UCK2: variants seen among roughly 807,000 people sequenced by gnomAD.
UCK2 encodes the protein cytidine monophosphokinase 2.
UCK2 carries 6 observed loss-of-function variants against 30.8 expected under a neutral mutation model. The ratio of observed to expected loss-of-function variants is 0.19; its 90% CI spans 0.11 to 0.38. UCK2 has a LOEUF of 0.38. Ranked by LOEUF, UCK2 falls within the 10% of genes least tolerant of loss-of-function variation. The probability of loss-of-function intolerance (pLI) is 1.00; values close to 1 mark genes in which losing one functional copy is unlikely to be tolerated. For synonymous variants in UCK2, 125 were observed against 133.6 expected, an observed-to-expected ratio of 0.94 and a Z score of 0.45; for missense variants, 210 against 339.8, an observed-to-expected ratio of 0.62 and a Z score of 3.00.
In UCK2 at chr1:165,836,240, C is replaced by A. The variant is rs376027161; in HGVS notation, c.99+8308C>A. On this transcript the variant is annotated intron_variant, in intron 1 of 6. Transcript: ENST00000367879. ...CAAGACTCCGTCTCAAAACAAAAAA[C>A]AAAACAAAAAAAACAACCAAATGGA... Among the ~76,000 whole-genome samples, 1,363 of 149,714 alleles carry A rather than the reference C, an allele frequency of 9.1e-3. 43 individuals carry two copies. Among genetic ancestry groups the A allele is most frequent in the African/African-American group, 0.032 (1,247 of 39,432 alleles).
At chr1:165,880,574 T>G (rs913659367) in intron 1 of UCK2, among the ~76,000 whole-genome samples, 3 of 22,942 alleles carry the variant, frequency 1.3e-4, no homozygotes, top group African/African-American at 3.9e-4. Flanking sequence ...GGGGTGTGTG[T>G]GTGTGTGTGT....
intron 1 of UCK2, among the ~76,000 whole-genome samples, chr1:165,853,092 T>G (rs910540799): frequency 6.6e-6 from 1 of 152,154 alleles, no homozygotes; most frequent in Non-Finnish European, 1.5e-5. Context: ...CCAGTGGAGC[T>G]TTGTAGAATC....
intron 1 of UCK2, among the ~76,000 whole-genome samples, chr1:165,831,450 G>GA (rs1240398990): frequency 2.6e-5 from 4 of 152,062 alleles, no homozygotes; most frequent in Admixed American, 2.6e-4. Flanking sequence ...CTAAAAGGTG[G>GA]AAAAAAACCC....
At position 165,827,886 on chromosome 1, in the gene UCK2, G is replaced by T; in HGVS notation, c.53G>T (p.Gly18Val). Residue 18 changes from glycine (G) to valine (V), a missense_variant, in exon 1 of 7, where the codon GGC becomes GTC. Physicochemically the swap from Gly to Val is moderately radical, Grantham distance 109 (BLOSUM62 -3). Around this residue, in one of 4 missense-constraint regions of UCK2, gnomAD observed 50 missense variants for 41.0 expected, o/e 1.22. Coordinates refer to ENST00000367879, the MANE Select transcript of UCK2 (RefSeq NM_012474.5). ...TLQNHQQPNG[G>V]EPFLIGVSGG... ...CAGAACCACCAGCAGCCCAACGGCGGCGAGCCCTTCCTTATAGGCGTCAGC... is the reference window on the plus strand; with the variant it reads ...CAGAACCACCAGCAGCCCAACGGCGTCGAGCCCTTCCTTATAGGCGTCAGC... The T allele has an allele frequency of 6.8e-7, 1 of 1,479,074 alleles. No homozygotes were observed. Among genetic ancestry groups the T allele is most frequent in the South Asian group, 1.4e-5 (1 of 73,068 alleles). The allele number at this position is 1,479,074 out of a possible 1,614,324, so 91.6% of individuals were successfully genotyped here. A position where few individuals can be genotyped will look rare whatever the true frequency, so the allele number is the denominator to read the frequency against.
intron 1 of UCK2, among the ~76,000 whole-genome samples, chr1:165,874,694 A>G (rs1279753987): frequency 6.6e-6 from 1 of 152,070 alleles, no homozygotes; most frequent in Non-Finnish European, 1.5e-5. Flanking sequence ...TAAAACAGGA[A>G]GATTTTTTTT....
chr1:165,852,227 A>G (rs967349837), intron 1 of UCK2, among the ~76,000 whole-genome samples: 2 of 152,206 alleles, frequency 1.3e-5, no homozygotes, highest in Non-Finnish European at 2.9e-5. Context: ...AAGTTGATCT[A>G]ATTAAACTAA....
chr1:165,879,255 C>T (rs530794216), intron 1 of UCK2, among the ~76,000 whole-genome samples: 3 of 152,120 alleles, frequency 2.0e-5, no homozygotes, highest in Non-Finnish European at 2.9e-5. Flanking sequence ...CAAATGTATT[C>T]TCCCAGCCTG....
intron 1 of UCK2, among the ~76,000 whole-genome samples, chr1:165,867,659 T>TCAGTCAC (rs1488655755): frequency 1.1e-4 from 17 of 152,366 alleles, no homozygotes; most frequent in African/African-American, 4.1e-4. Context: ...GTTCACATTT[T>TCAGTCAC]ATTATGAGAT....
intron 1 of UCK2, among the ~76,000 whole-genome samples, chr1:165,859,979 C>T (rs539958384): frequency 2.0e-5 from 3 of 152,320 alleles, no homozygotes; most frequent in South Asian, 2.1e-4. Flanking sequence ...TCTCCTTGTG[C>T]GGGACCAGTC....
intron 4 of UCK2, among the ~76,000 whole-genome samples, chr1:165,899,385 T>G (rs1429695099): frequency 1.3e-5 from 2 of 152,164 alleles, no homozygotes; most frequent in African/African-American, 4.8e-5. Flanking sequence ...CATCCATCAT[T>G]CTCTGGTTCT....
At chr1:165,877,643 T>C (rs191154921) in intron 1 of UCK2, among the ~76,000 whole-genome samples, 45 of 152,360 alleles carry the variant, frequency 3.0e-4, no homozygotes, top group African/African-American at 1.1e-3. Flanking sequence ...GGATATACCG[T>C]AGTTTAACCA....
intron 4 of UCK2, chr1:165,900,621 C>G (rs757799700): frequency 3.9e-5 from 6 of 151,978 alleles, no homozygotes; most frequent in Non-Finnish European, 7.3e-5. Flanking sequence ...CTGAAGCCAC[C>G]AGATCTACAG....
At chr1:165,857,630 C>T (rs984262915) in intron 1 of UCK2, among the ~76,000 whole-genome samples, 2 of 152,094 alleles carry the variant, frequency 1.3e-5, no homozygotes, top group Admixed American at 6.6e-5. Flanking sequence ...AATCGGAGGG[C>T]TTGGAACAGC....
chr1:165,869,660 T>A (rs1655146448), intron 1 of UCK2, among the ~76,000 whole-genome samples: 2 of 1,694 alleles, frequency 1.2e-3, no homozygotes, highest in Non-Finnish European at 0.012. Context: ...ATCATGGGCC[T>A]TTTTTTTTTT....
chr1:165,857,846 C>T (rs1488718228), intron 1 of UCK2, among the ~76,000 whole-genome samples: 5 of 152,162 alleles, frequency 3.3e-5, no homozygotes, highest in South Asian at 2.1e-4. Context: ...CCCCTCTCAA[C>T]GTTTGCTTTA....
At chr1:165,835,479 G>A (rs1654165385) in intron 1 of UCK2, among the ~76,000 whole-genome samples, 1 of 151,908 alleles carries the variant, frequency 6.6e-6, no homozygotes, top group Non-Finnish European at 1.5e-5. Context: ...GGGACTACAG[G>A]CAAGAGCCAC....
chr1:165,863,197 C>T (rs547326774), intron 1 of UCK2, among the ~76,000 whole-genome samples: 1 of 152,228 alleles, frequency 6.6e-6, no homozygotes, highest in Non-Finnish European at 1.5e-5. Flanking sequence ...GGGCTCATCT[C>T]TGGAGACACA....
intron 1 of UCK2, among the ~76,000 whole-genome samples, chr1:165,877,991 A>G (rs907165954): frequency 6.6e-6 from 1 of 152,150 alleles, no homozygotes; most frequent in African/African-American, 2.4e-5. Context: ...ATCCTTATCA[A>G]CAAGTTAATA....
chr1:165,876,505 T>G (rs1296673378), intron 1 of UCK2, among the ~76,000 whole-genome samples: 1 of 152,164 alleles, frequency 6.6e-6, no homozygotes, highest in Admixed American at 6.5e-5. Context: ...TAAAATGCAA[T>G]GATACATCTT....
Sources: gnomAD v4.1 joint callset for allele counts (sites outside exome capture counted in the v4.1 genomes callset) on GRCh38, gnomAD v4.1.1 for gene constraint, gnomAD v4.1.1 regional missense constraint, MANE v1.5 for transcripts, NCBI Gene and HGNC (gene_info 2026-07-23, HGNC 2026-07-21) for gene names.